Variants in TDRD10 observed in about 807,000 individuals in gnomAD.
The protein encoded by TDRD10 is tudor domain containing 10.
A neutral mutation model predicts 48.0 loss-of-function variants in TDRD10; 40 were observed. That is an observed-to-expected ratio of 0.83 (90% CI 0.65 to 1.09). The LOEUF (loss-of-function observed/expected upper bound fraction) is 1.09. Among genes scored for constraint, TDRD10 ranks in the 50% least tolerant of loss-of-function variants. TDRD10 has a pLI of 0.00. For missense variants in TDRD10, 378 were observed against 434.7 expected, an observed-to-expected ratio of 0.87 and a Z score of 1.16; for synonymous variants, 162 against 170.4, an observed-to-expected ratio of 0.95 and a Z score of 0.38.
intron 4 of TDRD10, among the ~76,000 whole-genome samples, chr1:154,516,247 A>G (rs1241341624): frequency 6.6e-6 from 1 of 152,208 alleles, no homozygotes; most frequent in African/African-American, 2.4e-5. Context: ...TATGGGGTCC[A>G]AGGCGTTATG....
At chr1:154,542,636 C>T in intron 7 of TDRD10, 95 bp from the exon 8 acceptor site, 1 of 942,486 alleles carries the variant, frequency 1.1e-6, no homozygotes, top group Non-Finnish European at 1.6e-6. Flanking sequence ...TTTATGCTTC[C>T]TTGGAGGGCA....
rs1692812925 is a variant in TDRD10 at position 154,502,227 on chromosome 1, C to T, written c.-830C>T. On this transcript the variant is annotated 5_prime_UTR_variant, in exon 1 of 13. In the 5' UTR this introduces an upstream ATG that the reference lacks. Transcript: ENST00000368482. ...GGGCCCCGCCCGGGCTCGTCTTCAACGCCTGCCCGGCCCGAGGACACCGTG... is the reference window on the plus strand; with the variant it reads ...GGGCCCCGCCCGGGCTCGTCTTCAATGCCTGCCCGGCCCGAGGACACCGTG... 2 of 280,084 alleles carry T rather than the reference C, an allele frequency of 7.1e-6. No homozygotes were observed. The highest frequency in any genetic ancestry group is 1.8e-4 in the East Asian group (2 of 11,372). 17.3% of individuals were successfully genotyped at this position (280,084 alleles called of 1,614,324 possible).
At chr1:154,525,670 G>A (rs1694275203) in intron 6 of TDRD10, among the ~76,000 whole-genome samples, 1 of 152,160 alleles carries the variant, frequency 6.6e-6, no homozygotes, top group African/African-American at 2.4e-5. Context: ...AAGGTGGGCA[G>A]ATAATCTGAG....
chr1:154,531,361 C>T lies in TDRD10; in HGVS notation c.369+9882C>T, dbSNP rs531296156. On this transcript the variant is annotated intron_variant, in intron 6 of 12. Transcript: ENST00000368482. Reference sequence around the variant, plus strand: ...TGACTTCAAGAATGAAGCCGCGGACCCTTGCGGTAAGTATTACAGTTCTTA... The same window carrying T: ...TGACTTCAAGAATGAAGCCGCGGACTCTTGCGGTAAGTATTACAGTTCTTA... 9.9e-5 allele frequency among the ~76,000 whole-genome samples: 15 copies of T among 152,208 alleles called. No individual in the cohort carries two copies. In the East Asian group the frequency reaches 2.9e-3, roughly 29 times the overall value.
chr1:154,528,603 G>A (rs2149334503), intron 6 of TDRD10, among the ~76,000 whole-genome samples: 1 of 152,212 alleles, frequency 6.6e-6, no homozygotes, highest in South Asian at 2.1e-4. Context: ...CACTTTGGGA[G>A]GCTGAGGCAG....
intron 6 of TDRD10, among the ~76,000 whole-genome samples, chr1:154,532,143 G>A (rs536151220): frequency 2.6e-5 from 4 of 152,226 alleles, no homozygotes; most frequent in East Asian, 1.9e-4. Context: ...AGCAGGGGGC[G>A]TTGCTCATCG....
intron 1 of TDRD10, among the ~76,000 whole-genome samples, chr1:154,505,285 G>A (rs1233267824): frequency 1.3e-5 from 2 of 152,232 alleles, no homozygotes; most frequent in Non-Finnish European, 2.9e-5. Context: ...ATAGTACCTG[G>A]CAGGCCTTAA....
chr1:154,517,258 G>T (rs1037770698), intron 4 of TDRD10, among the ~76,000 whole-genome samples: 1 of 152,200 alleles, frequency 6.6e-6, no homozygotes, highest in Non-Finnish European at 1.5e-5. Context: ...CTGCATATTT[G>T]TCTGTGGCTT....
intron 6 of TDRD10, among the ~76,000 whole-genome samples, chr1:154,522,315 C>T (rs772100475): frequency 6.6e-6 from 1 of 152,016 alleles, no homozygotes; most frequent in Non-Finnish European, 1.5e-5. Flanking sequence ...TGGATGTCCC[C>T]GTAACTCATG....
Position 154,542,804 on chromosome 1 carries a change from A to T in TDRD10, c.486A>T (p.Ala162=). The T allele has an allele frequency of 6.2e-7, 1 of 1,613,826 alleles. No homozygotes were observed. The highest frequency in any genetic ancestry group is 8.5e-7 in the Non-Finnish European group (1 of 1,179,826). ...AGAAACTGAGGGCAGCCTTCTTTGC[A>T]GTCCCGTTGGAAATGAGGTGAGCAA... ...ETEKLRAAFF[A]VPLEMRGSFL... The change falls in exon 8 of 13, where the codon GCA becomes GCT. Residue 162 remains alanine (A), a synonymous_variant. Transcript: ENST00000368482.
At position 154,507,143 on chromosome 1, in the gene TDRD10, T is replaced by G; in HGVS notation, c.3-98T>G. On this transcript the variant is annotated intron_variant, in intron 2 of 12. Coordinates refer to ENST00000368482, the MANE Select transcript of TDRD10 (RefSeq NM_182499.4). ...GGAAGCCTTTGGTCAGGAAGGGGAA[T>G]GGAGGTTTATGCAAGGCCCCTCTGC... 3 of 1,565,576 alleles carry G rather than the reference T, an allele frequency of 1.9e-6. No individual in the cohort carries two copies. The East Asian group carries it at 6.9e-5, about 36-fold the overall frequency.
intron 3 of TDRD10, among the ~76,000 whole-genome samples, 195 bp from the exon 4 acceptor site, chr1:154,508,228 A>G (rs1429571002): frequency 6.6e-6 from 1 of 152,184 alleles, no homozygotes; most frequent in Non-Finnish European, 1.5e-5. Flanking sequence ...TTGAAGAAAA[A>G]GTGAAGCCAG....
At position 154,508,585 on chromosome 1, in the gene TDRD10, G is replaced by A. The variant is rs920011259; in HGVS notation, c.141+104G>A. 27 of 797,814 alleles carry A rather than the reference G, an allele frequency of 3.4e-5. No homozygotes were observed. The African/African-American group carries it at 3.7e-4, about 11-fold the overall frequency. The allele number at this position is 797,814 out of a possible 1,614,324, so 49.4% of individuals were successfully genotyped here. A position where few individuals can be genotyped will look rare whatever the true frequency, so the allele number is the denominator to read the frequency against. On this transcript the variant is annotated intron_variant, in intron 4 of 12. Transcript: ENST00000368482. Reference sequence around the variant, plus strand: ...CCCCAGTTTTTAAAGACGTTTGAGAGCTATGATAGTGCAGACAGTCACTCG... The same window carrying A: ...CCCCAGTTTTTAAAGACGTTTGAGAACTATGATAGTGCAGACAGTCACTCG...
At chr1:154,546,062 C>G (rs1356240460) in intron 11 of TDRD10, among the ~76,000 whole-genome samples, 1 of 146,914 alleles carries the variant, frequency 6.8e-6, no homozygotes, top group African/African-American at 2.5e-5. Context: ...TGTGAGCCAC[C>G]GTGCCCGGCC....
intron 6 of TDRD10, among the ~76,000 whole-genome samples, chr1:154,539,770 G>A (rs1430820638): frequency 1.3e-5 from 2 of 152,236 alleles, no homozygotes; most frequent in Non-Finnish European, 2.9e-5. Context: ...ACATTCCAGT[G>A]GTAAAAGAGA....
At chr1:154,535,003 G>A (rs1202984980) in intron 6 of TDRD10, among the ~76,000 whole-genome samples, 1 of 152,194 alleles carries the variant, frequency 6.6e-6, no homozygotes, top group East Asian at 1.9e-4. Context: ...TAGAATACTA[G>A]GGATAAAGCT....
chr1:154,541,237 G>A (rs1695211158), intron 6 of TDRD10, among the ~76,000 whole-genome samples: 1 of 151,828 alleles, frequency 6.6e-6, no homozygotes, highest in Non-Finnish European at 1.5e-5. Context: ...GAGCCAGAGC[G>A]GGAGGGAGCA....
intron 11 of TDRD10, among the ~76,000 whole-genome samples, chr1:154,546,436 A>T (rs1294424865): frequency 6.8e-6 from 1 of 146,828 alleles, no homozygotes; most frequent in Non-Finnish European, 1.5e-5. Context: ...TATTATATAT[A>T]TCACGTAATA....
chr1:154,508,384 G>T, intron 3 of TDRD10, 39 bp from the exon 4 acceptor site: 2 of 1,394,900 alleles, frequency 1.4e-6, no homozygotes, highest in Non-Finnish European at 2.0e-6. Flanking sequence ...TCCTCTAACC[G>T]TATGTATGCC....
Sources: gnomAD v4.1 joint callset for allele counts (sites outside exome capture counted in the v4.1 genomes callset) on GRCh38, gnomAD v4.1.1 for gene constraint, MANE v1.5 for transcripts, NCBI Gene and HGNC (gene_info 2026-07-23, HGNC 2026-07-21) for gene names.